The following HABP4 variants were observed in gnomAD, a reference collection of about 807,000 sequenced individuals.
HABP4 encodes the protein intracellular hyaluronan-binding protein 4.
In HABP4, 32 loss-of-function variants were observed where a neutral mutation model predicts 44.1. The ratio of observed to expected loss-of-function variants is 0.73; its 90% CI spans 0.55 to 0.97. The LOEUF (loss-of-function observed/expected upper bound fraction) is 0.97, where lower values mean the gene tolerates loss of function less well. HABP4 is among the 50% of genes least tolerant of loss of function. The probability of loss-of-function intolerance (pLI) is 0.00; values close to 1 mark genes in which losing one functional copy is unlikely to be tolerated. For synonymous variants in HABP4, 216 were observed against 218.0 expected (o/e 0.99, Z 0.08); for missense variants, 503 against 561.9 (o/e 0.90, Z 1.06).
chr9:96,462,622 A>G (rs527806674), intron 2 of HABP4, among the ~76,000 whole-genome samples: 1 of 151,736 alleles, frequency 6.6e-6, no homozygotes, highest in South Asian at 2.1e-4. Context: ...AAAAAAAAAA[A>G]AAAGAGAGAG....
intron 1 of HABP4, among the ~76,000 whole-genome samples, chr9:96,455,984 G>A (rs778538291): frequency 1.6e-4 from 24 of 152,074 alleles, no homozygotes; most frequent in Non-Finnish European, 3.4e-4. Flanking sequence ...TAACCTGGGA[G>A]GCGGAGGTTG....
chr9:96,455,549 A>G (rs983182684), intron 1 of HABP4, among the ~76,000 whole-genome samples: 2 of 151,198 alleles, frequency 1.3e-5, no homozygotes, highest in Non-Finnish European at 2.9e-5. Flanking sequence ...GGATCACCTG[A>G]GGTCTGGAGT....
At chr9:96,453,542 G>C (rs1200628128) in intron 1 of HABP4, among the ~76,000 whole-genome samples, 1 of 152,166 alleles carries the variant, frequency 6.6e-6, no homozygotes, top group Non-Finnish European at 1.5e-5. Context: ...CTGACTATCT[G>C]TCTAGCAATA....
Position 96,450,183 on chromosome 9 carries a change from G to T in HABP4, c.-97G>T, listed in dbSNP as rs1259845735. ...CCGGACAGGGTAGGGCCCGGAGGGCGGTGGCGGCGGAGCGGGCGGCATGGG... is the reference window on the plus strand; with the variant it reads ...CCGGACAGGGTAGGGCCCGGAGGGCTGTGGCGGCGGAGCGGGCGGCATGGG... On this transcript the variant is annotated 5_prime_UTR_variant, in exon 1 of 8. Transcript: ENST00000375249. This position sits in a 1 kb window ranked among gnomAD's most constrained non-coding sequence, Gnocchi z 4.8. 1 of 1,177,660 alleles carries T rather than the reference G, an allele frequency of 8.5e-7. No homozygotes were observed. Among genetic ancestry groups the T allele is most frequent in the Non-Finnish European group, 1.1e-6 (1 of 945,498 alleles). 73.0% of individuals were successfully genotyped at this position (1,177,660 alleles called of 1,614,324 possible). A position where few individuals can be genotyped will look rare whatever the true frequency, so the allele number is the denominator to read the frequency against.
At chr9:96,455,140 G>A (rs1832351753) in intron 1 of HABP4, among the ~76,000 whole-genome samples, 1 of 151,986 alleles carries the variant, frequency 6.6e-6, no homozygotes, top group Non-Finnish European at 1.5e-5. Flanking sequence ...TCATTATCTT[G>A]ATATGTCTGC....
Position 96,450,500 on chromosome 9 carries a change from G to T in HABP4, c.221G>T (p.Ser74Ile). ...GGGGCCGGTCCCCGCGGCGGCAGGA[G>T]CCCAGCCGGGGCCTCGGGCCACAGA... ...AAGAGPRGGR[S>I]PAGASGHRAG... is the part of the protein sequence containing the mutation. The change falls in exon 1 of 8, where the codon AGC becomes ATC. Residue 74 changes from serine to isoleucine, a missense_variant. Physicochemically the swap from Ser to Ile is moderately radical, Grantham distance 142. Coordinates refer to ENST00000375249, the MANE Select transcript of HABP4 (RefSeq NM_014282.4). This position sits in a 1 kb window ranked among gnomAD's most constrained non-coding sequence, Gnocchi z 4.8. 1 of 1,213,904 alleles carries T rather than the reference G, an allele frequency of 8.2e-7. No homozygotes were observed. The allele number at this position is 1,213,904 out of a possible 1,614,324, so 75.2% of individuals were successfully genotyped here.
intron 5 of HABP4, among the ~76,000 whole-genome samples, chr9:96,474,709 A>G (rs1832752865): frequency 1.3e-5 from 2 of 152,120 alleles, no homozygotes; most frequent in East Asian, 3.8e-4. Context: ...ATTTTTTGAT[A>G]CTCTAAAAGT....
chr9:96,480,665 TAAATAGTTC>T (rs1411858209), intron 5 of HABP4, among the ~76,000 whole-genome samples: 3 of 152,360 alleles, frequency 2.0e-5, no homozygotes, highest in Non-Finnish European at 4.4e-5. Context: ...CACTTCCCCC[TAAATAGTTC>T]AACATGCATA....
intron 5 of HABP4, among the ~76,000 whole-genome samples, chr9:96,475,429 T>C (rs1006580086): frequency 6.6e-6 from 1 of 151,434 alleles, no homozygotes; most frequent in Non-Finnish European, 1.5e-5. Flanking sequence ...ATAACATTTT[T>C]AGAGCATTTG....
rs1162783835 is a variant in HABP4 at position 96,451,075 on chromosome 9, C to T, written c.349+447C>T. Among the ~76,000 whole-genome samples, 2 of 152,056 alleles carry T rather than the reference C, an allele frequency of 1.3e-5. 1 individual carries two copies. Among genetic ancestry groups the T allele is most frequent in the African/African-American group, 4.8e-5 (2 of 41,412 alleles). On this transcript the variant is annotated intron_variant, in intron 1 of 7. Transcript: ENST00000375249. ...GGCGCCTGGTCCCGGGGCTGGGGGCCTCTGTGATGCCGGAGGCCTGGGCGA... is the reference window on the plus strand; with the variant it reads ...GGCGCCTGGTCCCGGGGCTGGGGGCTTCTGTGATGCCGGAGGCCTGGGCGA...
intron 1 of HABP4, among the ~76,000 whole-genome samples, chr9:96,453,536 C>G (rs903502780): frequency 1.2e-4 from 18 of 152,170 alleles, no homozygotes; most frequent in Admixed American, 1.2e-3. Flanking sequence ...TAATGTCTGA[C>G]TATCTGTCTA....
chr9:96,464,801 C>G (rs927738407), intron 2 of HABP4, among the ~76,000 whole-genome samples: 11 of 152,042 alleles, frequency 7.2e-5, no homozygotes, highest in African/African-American at 2.7e-4. Context: ...TTTCACAGTT[C>G]CAAATGTTAC....
At position 96,471,094 on chromosome 9, in the gene HABP4, A is replaced by G; in HGVS notation, c.827A>G (p.Lys276Arg). The G allele has an allele frequency of 6.6e-7, 1 of 1,513,974 alleles. No individual in the cohort carries two copies. Among genetic ancestry groups the G allele is most frequent in the Non-Finnish European group, 9.2e-7 (1 of 1,088,646 alleles). The allele number at this position is 1,513,974 out of a possible 1,614,324, so 93.8% of individuals were successfully genotyped here. A position where few individuals can be genotyped will look rare whatever the true frequency, so the allele number is the denominator to read the frequency against. ...QGTPEEESPA[K>R]VPELEVEEET... Reference sequence around the variant, plus strand: ...ACCCCGGAAGAGGAGTCTCCAGCCAAGTAGGGCATTTTGTTCATTCCCCAT... The same window carrying G: ...ACCCCGGAAGAGGAGTCTCCAGCCAGGTAGGGCATTTTGTTCATTCCCCAT... The change falls in exon 5 of 8, where the codon AAA becomes AGA. Residue 276 changes from lysine to arginine, a missense_variant and splice_region_variant. Around this residue, in one of 3 missense-constraint regions of HABP4, gnomAD observed 131 missense variants for 189.8 expected, o/e 0.69. Coordinates refer to ENST00000375249, the MANE Select transcript of HABP4 (RefSeq NM_014282.4).
chr9:96,485,045 T>C (rs777410897), intron 6 of HABP4, among the ~76,000 whole-genome samples: 5 of 152,098 alleles, frequency 3.3e-5, no homozygotes, highest in Non-Finnish European at 5.9e-5. Context: ...TTTCACTGAG[T>C]AGTTGATGAC....
rs985608591 is a variant in HABP4 at position 96,488,961 on chromosome 9, G to A, written c.1185+687G>A. Among the ~76,000 whole-genome samples, 7 of 152,190 alleles carry A rather than the reference G, an allele frequency of 4.6e-5. 1 individual carries two copies. In the Middle Eastern group the frequency reaches 0.017, roughly 370 times the overall value. On this transcript the variant is annotated intron_variant, in intron 7 of 7. Coordinates refer to ENST00000375249, the MANE Select transcript of HABP4 (RefSeq NM_014282.4). The surrounding 1 kb of genome is among the most constrained non-coding windows in gnomAD (Gnocchi z 4.6). ...CTGCTTTTGCTCATTACCGGTTTACGCAGTGCCACGCAGTGCCTGGCATGT... is the reference window on the plus strand; with the variant it reads ...CTGCTTTTGCTCATTACCGGTTTACACAGTGCCACGCAGTGCCTGGCATGT...
chr9:96,452,119 C>T (rs1832293580), intron 1 of HABP4, among the ~76,000 whole-genome samples: 1 of 149,854 alleles, frequency 6.7e-6, no homozygotes, highest in Non-Finnish European at 1.5e-5. Context: ...TCCAGCTACT[C>T]GGGAGGCTGA....
chr9:96,487,470 T>C (rs1017818778), intron 6 of HABP4, among the ~76,000 whole-genome samples: 1 of 152,234 alleles, frequency 6.6e-6, no homozygotes, highest in Non-Finnish European at 1.5e-5. Flanking sequence ...TTGTGCAGTG[T>C]TGGTAGAACA....
intron 5 of HABP4, among the ~76,000 whole-genome samples, chr9:96,481,266 G>A (rs1484368715): frequency 1.3e-5 from 2 of 152,024 alleles, no homozygotes; most frequent in Non-Finnish European, 2.9e-5. Flanking sequence ...GCTAATTTTT[G>A]TATTTTTAGT....
At chr9:96,472,541 G>A (rs773463359) in intron 5 of HABP4, among the ~76,000 whole-genome samples, 4 of 152,022 alleles carry the variant, frequency 2.6e-5, no homozygotes, top group Admixed American at 6.6e-5. Context: ...TCCTTCCCTC[G>A]TGCTAACCAT....
Sources: gnomAD v4.1 joint callset for allele counts (sites outside exome capture counted in the v4.1 genomes callset) on GRCh38, gnomAD v4.1.1 for gene constraint, gnomAD v4.1.1 regional missense constraint, Gnocchi (gnomAD v3.1) non-coding constraint, MANE v1.5 for transcripts, NCBI Gene and HGNC (gene_info 2026-07-23, HGNC 2026-07-21) for gene names.